Variants in COMMD10 observed in about 807,000 individuals in gnomAD.
COMMD10 encodes the protein COMM domain-containing protein 10.
Under a neutral mutation model 28.9 loss-of-function variants are expected in COMMD10, and 33 were observed. The ratio of observed to expected loss-of-function variants is 1.14; its 90% CI spans 0.87 to 1.53. The LOEUF is 1.53. COMMD10 is among the 40% of genes most tolerant of loss of function. COMMD10 has a pLI of 0.00. For synonymous variants in COMMD10, 110 were observed against 81.7 expected, an observed-to-expected ratio of 1.35 and a Z score of -1.87; for missense variants, 310 against 233.4, an observed-to-expected ratio of 1.33 and a Z score of -2.14.
intron 5 of COMMD10, among the ~76,000 whole-genome samples, chr5:116,278,721 T>C (rs1435013463): frequency 6.6e-6 from 1 of 151,870 alleles, no homozygotes; most frequent in East Asian, 1.9e-4. Context: ...ATGTTTTAGC[T>C]AAACATGTAT....
At chr5:116,283,446 A>C (rs1430289217) in intron 5 of COMMD10, among the ~76,000 whole-genome samples, 2 of 151,470 alleles carry the variant, frequency 1.3e-5, no homozygotes, top group Non-Finnish European at 2.9e-5. Context: ...TCCCGGGTTC[A>C]AGCGATTCTC....
intron 5 of COMMD10, among the ~76,000 whole-genome samples, chr5:116,192,615 A>G (rs1436880807): frequency 6.6e-6 from 1 of 152,180 alleles, no homozygotes; most frequent in East Asian, 1.9e-4. Flanking sequence ...AATCCAACAA[A>G]GACAAAAAAG....
Position 116,266,328 on chromosome 5 carries a change from A to G in COMMD10, c.511-25189A>G, listed in dbSNP as rs920338790. ...TGGATCCAAATTGTAGATTTTTTAA[A>G]GGTTAAGCTGTTATATTTTTCTTTT... On this transcript the variant is annotated intron_variant, in intron 5 of 6. Transcript: ENST00000274458. Among the ~76,000 whole-genome samples, 24 of 151,806 alleles carry G rather than the reference A, an allele frequency of 1.6e-4. 1 individual carries two copies. The highest frequency in any genetic ancestry group is 5.9e-5 in the Non-Finnish European group (4 of 68,000).
intron 5 of COMMD10, among the ~76,000 whole-genome samples, chr5:116,271,953 A>C (rs1170053558): frequency 6.6e-6 from 1 of 151,908 alleles, no homozygotes; most frequent in African/African-American, 2.4e-5. Flanking sequence ...CATGAAAGTA[A>C]AAATTACTTA....
At chr5:116,165,892 C>T (rs140026657) in intron 5 of COMMD10, among the ~76,000 whole-genome samples, 6 of 152,054 alleles carry the variant, frequency 3.9e-5, no homozygotes, top group African/African-American at 1.2e-4. Context: ...TTGGGGTATA[C>T]AAGAATTCAG....
chr5:116,259,198 G>T (rs947518165), intron 5 of COMMD10, among the ~76,000 whole-genome samples: 1 of 151,016 alleles, frequency 6.6e-6, no homozygotes, highest in Non-Finnish European at 1.5e-5. Flanking sequence ...GAGTACCTGG[G>T]ATTACAGGTG....
intron 5 of COMMD10, among the ~76,000 whole-genome samples, chr5:116,266,085 C>G (rs1325244569): frequency 1.3e-5 from 2 of 151,532 alleles, no homozygotes; most frequent in East Asian, 3.9e-4. Context: ...TTAGCTGACC[C>G]TTAAAAAAGC....
intron 5 of COMMD10, among the ~76,000 whole-genome samples, chr5:116,254,276 T>G (rs1303341221): frequency 5.3e-5 from 8 of 151,934 alleles, no homozygotes; most frequent in East Asian, 1.9e-4. Context: ...TTTTTGAAGG[T>G]TTTTTTGTGT....
chr5:116,203,669 A>C (rs867392043), intron 5 of COMMD10, among the ~76,000 whole-genome samples: 58 of 152,230 alleles, frequency 3.8e-4, no homozygotes, highest in Middle Eastern at 6.8e-3. Flanking sequence ...GAAATAAAAT[A>C]CTTTACAGAC....
intron 5 of COMMD10, among the ~76,000 whole-genome samples, chr5:116,216,961 AT>A (rs1749119378): frequency 1.3e-5 from 2 of 152,260 alleles, no homozygotes; most frequent in South Asian, 4.1e-4. Context: ...AGATGAAAGG[AT>A]TTATCAGGAT....
At chr5:116,280,539 A>G (rs915058300) in intron 5 of COMMD10, among the ~76,000 whole-genome samples, 2 of 151,772 alleles carry the variant, frequency 1.3e-5, no homozygotes, top group African/African-American at 2.4e-5. Context: ...CTTTGGTTAA[A>G]CGTCTATTCC....
chr5:116,254,445 AT>A (rs1750219135), intron 5 of COMMD10, among the ~76,000 whole-genome samples: 1 of 150,578 alleles, frequency 6.6e-6, no homozygotes, highest in East Asian at 1.9e-4. Context: ...AGTGCTATAA[AT>A]TTCCCTCTAC....
chr5:116,118,915 C>T (rs1388684460), intron 4 of COMMD10, among the ~76,000 whole-genome samples: 2 of 152,184 alleles, frequency 1.3e-5, no homozygotes, highest in Admixed American at 6.5e-5. Flanking sequence ...ATGAAGATTT[C>T]GTTAATGCCA....
intron 5 of COMMD10, among the ~76,000 whole-genome samples, chr5:116,175,155 C>G (rs1209640075): frequency 1.3e-5 from 2 of 151,828 alleles, no homozygotes; most frequent in Non-Finnish European, 2.9e-5. Flanking sequence ...ATCTCCTTAC[C>G]TTGTTTTATT....
chr5:116,145,783 G>A (rs1192982559), intron 5 of COMMD10, among the ~76,000 whole-genome samples: 4 of 151,700 alleles, frequency 2.6e-5, no homozygotes, highest in African/African-American at 9.7e-5. Context: ...GTTTTATAAG[G>A]GGCTCTTACC....
chr5:116,280,816 T>C (rs892050845), intron 5 of COMMD10, among the ~76,000 whole-genome samples: 1 of 151,848 alleles, frequency 6.6e-6, no homozygotes, highest in African/African-American at 2.4e-5. Context: ...ATTATATTGT[T>C]ATAGAGAATA....
intron 5 of COMMD10, among the ~76,000 whole-genome samples, chr5:116,142,426 T>C (rs1752223106): frequency 1.3e-5 from 2 of 151,786 alleles, no homozygotes; most frequent in Admixed American, 6.6e-5. Context: ...TAGAGAAGCC[T>C]TCTTAGGATT....
At chr5:116,249,195 A>G (rs1279125690) in intron 5 of COMMD10, among the ~76,000 whole-genome samples, 1 of 151,978 alleles carries the variant, frequency 6.6e-6, no homozygotes, top group Admixed American at 6.6e-5. Context: ...ATAACAAATA[A>G]TTGCAAAGAA....
At position 116,171,505 on chromosome 5, in the gene COMMD10, T is replaced by A. The variant is rs139047164; in HGVS notation, c.510+37327T>A. ...ATATACCCAGATGATTATAAATCAT[T>A]CTACTATAAAGACACATGCACGTGT... On this transcript the variant is annotated intron_variant, in intron 5 of 6. Transcript: ENST00000274458. Among the ~76,000 whole-genome samples, 263 of 152,172 alleles carry A rather than the reference T, an allele frequency of 1.7e-3. 1 individual carries two copies. Among genetic ancestry groups the A allele is most frequent in the African/African-American group, 6.2e-3 (257 of 41,474 alleles).
Sources: gnomAD v4.1 joint callset for allele counts (sites outside exome capture counted in the v4.1 genomes callset) on GRCh38, gnomAD v4.1.1 for gene constraint, MANE v1.5 for transcripts, NCBI Gene and HGNC (gene_info 2026-07-23, HGNC 2026-07-21) for gene names.